Variants in CCDC102B observed in about 807,000 individuals in gnomAD.
CCDC102B encodes the protein coiled-coil domain containing 102B.
Under a neutral mutation model 57.4 loss-of-function variants are expected in CCDC102B, and 75 were observed. The ratio of observed to expected loss-of-function variants is 1.31; its 90% CI spans 1.08 to 1.58. CCDC102B has a LOEUF of 1.58. CCDC102B is among the 40% of genes most tolerant of loss of function. The pLI is 0.00. For synonymous variants in CCDC102B, 206 were observed against 201.9 expected, an observed-to-expected ratio of 1.02 and a Z score of -0.17; for missense variants, 636 against 582.6, an observed-to-expected ratio of 1.09 and a Z score of -0.94.
intron 1 of CCDC102B, among the ~76,000 whole-genome samples, chr18:68,802,451 TTATGTTTTTGA>T (rs1244412958): frequency 1.3e-5 from 2 of 152,200 alleles, no homozygotes; most frequent in Non-Finnish European, 2.9e-5. Context: ...TTGCTGGCTT[TTATGTTTTTGA>T]TATGTTTTTA....
At chr18:68,944,177 A>T (rs774295292) in intron 6 of CCDC102B, among the ~76,000 whole-genome samples, 2 of 152,084 alleles carry the variant, frequency 1.3e-5, no homozygotes, top group Non-Finnish European at 2.9e-5. Flanking sequence ...ATGTCTTGTA[A>T]ATCAAGAAGC....
chr18:68,838,495 AT>A (rs1253123418), intron 2 of CCDC102B: 160 of 984,318 alleles, frequency 1.6e-4, no homozygotes, highest in South Asian at 1.9e-4. Flanking sequence ...TGAGAAATGT[AT>A]TTTTTTTATG....
At chr18:69,033,490 C>T (rs570783474) in intron 7 of CCDC102B, among the ~76,000 whole-genome samples, 1 of 152,212 alleles carries the variant, frequency 6.6e-6, no homozygotes, top group Admixed American at 6.6e-5. Context: ...TCTAGTTTCC[C>T]TCTTTACAGA....
intron 5 of CCDC102B, among the ~76,000 whole-genome samples, chr18:68,879,291 C>T (rs1405840047): frequency 6.6e-6 from 1 of 152,118 alleles, no homozygotes; most frequent in Non-Finnish European, 1.5e-5. Flanking sequence ...CTCATAAAAG[C>T]AGTGTAGACC....
chr18:69,025,416 G>T (rs1053080035), intron 7 of CCDC102B, among the ~76,000 whole-genome samples: 3 of 152,182 alleles, frequency 2.0e-5, no homozygotes, highest in African/African-American at 7.2e-5. Flanking sequence ...CATGCCAAGA[G>T]AGAAAATAGC....
At chr18:68,776,435 C>A (rs2034818025) in intron 2 of CCDC102B, among the ~76,000 whole-genome samples, 1 of 152,020 alleles carries the variant, frequency 6.6e-6, no homozygotes, top group African/African-American at 2.4e-5. Context: ...GAATAGAAAA[C>A]AGAATAGAGA....
chr18:68,760,489 A>G (rs951990890), intron 2 of CCDC102B, among the ~76,000 whole-genome samples: 1 of 152,086 alleles, frequency 6.6e-6, no homozygotes, highest in African/African-American at 2.4e-5. Flanking sequence ...TATTAAATAA[A>G]CACTTTTGTT....
intron 5 of CCDC102B, among the ~76,000 whole-genome samples, chr18:68,881,081 G>A (rs942279493): frequency 4.6e-5 from 7 of 152,132 alleles, no homozygotes; most frequent in African/African-American, 1.4e-4. Context: ...ACTCAGACTG[G>A]TGATAAATCA....
At position 68,824,043 on chromosome 18, in the gene CCDC102B, CTTTA is replaced by C. The variant is rs140991494; in HGVS notation, c.-15-12705_-15-12702del. On this transcript the variant is annotated intron_variant, in intron 1 of 7. Transcript: ENST00000360242. ...TAGGTTCTTTTGCTGTGCAAAAGCT[CTTTA>C]ATTTAATTAGGTCCCACTTGTCATT... Among the ~76,000 whole-genome samples, 427 of 151,918 alleles carry C rather than the reference CTTTA, an allele frequency of 2.8e-3. 1 individual carries two copies. The highest frequency in any genetic ancestry group is 4.2e-3 in the Non-Finnish European group (284 of 68,006).
Position 68,963,014 on chromosome 18 carries a change from G to A in CCDC102B, c.1264-47920G>A, listed in dbSNP as rs533502490. On this transcript the variant is annotated intron_variant, in intron 6 of 7. Coordinates refer to ENST00000360242, the MANE Select transcript of CCDC102B (RefSeq NM_024781.3). Reference sequence around the variant, plus strand: ...GTGTCCATATATTTATTTATTACACGGCATCTTTTTATAGTGCATTTCAGT... The same window carrying A: ...GTGTCCATATATTTATTTATTACACAGCATCTTTTTATAGTGCATTTCAGT... Among the ~76,000 whole-genome samples, 23 of 151,744 alleles carry A rather than the reference G, an allele frequency of 1.5e-4. 1 individual carries two copies. The South Asian group carries it at 3.3e-3, about 22-fold the overall frequency.
At chr18:69,038,350 TG>T (rs1026478574) in intron 7 of CCDC102B, among the ~76,000 whole-genome samples, 505 of 45,482 alleles carry the variant, frequency 0.011, 1 homozygote, top group Non-Finnish European at 0.06. Context: ...TTGTGCAAAA[TG>T]TTTTGTGTGT....
chr18:68,913,679 C>CAA (rs1244435207), intron 6 of CCDC102B, among the ~76,000 whole-genome samples: 1 of 130,700 alleles, frequency 7.7e-6, no homozygotes, highest in Non-Finnish European at 1.7e-5. Flanking sequence ...AAAGCAAAAA[C>CAA]AAAGACAAAA....
chr18:68,855,315 G>T (rs1343145379), intron 4 of CCDC102B, among the ~76,000 whole-genome samples: 1 of 152,056 alleles, frequency 6.6e-6, no homozygotes. Context: ...GATGAATTAA[G>T]AGATGAAAGC....
intron 2 of CCDC102B, among the ~76,000 whole-genome samples, chr18:68,723,349 C>G (rs775220604): frequency 1.3e-5 from 2 of 152,130 alleles, no homozygotes; most frequent in Admixed American, 6.5e-5. Flanking sequence ...TCTCACCTTT[C>G]AAAACACAAT....
intron 4 of CCDC102B, chr18:68,866,618 C>T (rs544374778): frequency 2.6e-4 from 82 of 312,602 alleles, no homozygotes; most frequent in African/African-American, 1.7e-3. Context: ...GAACCTTAGT[C>T]AAAAAAGAGA....
At chr18:68,838,443 C>A (rs535282093) in intron 2 of CCDC102B, 1 of 984,628 alleles carries the variant, frequency 1.0e-6, no homozygotes, top group African/African-American at 1.8e-5. Context: ...TTTTTAGCTG[C>A]GATTAGAAAA....
chr18:68,884,621 T>C (rs1272731306), intron 5 of CCDC102B, among the ~76,000 whole-genome samples: 1 of 150,638 alleles, frequency 6.6e-6, no homozygotes, highest in East Asian at 1.9e-4. Flanking sequence ...CACACACACA[T>C]CTCCATCATA....
intron 6 of CCDC102B, among the ~76,000 whole-genome samples, chr18:68,975,860 A>C (rs1193387772): frequency 6.6e-6 from 1 of 151,830 alleles, no homozygotes; most frequent in Non-Finnish European, 1.5e-5. Flanking sequence ...TAAAAAAAAA[A>C]AAAAGCGTCT....
intron 2 of CCDC102B, among the ~76,000 whole-genome samples, chr18:68,837,817 T>C (rs2037450404): frequency 6.6e-6 from 1 of 152,180 alleles, no homozygotes; most frequent in Non-Finnish European, 1.5e-5. Context: ...AAGATATGTA[T>C]ATGTATCCTT....
Sources: allele counts gnomAD v4.1 joint callset (sites outside exome capture counted in the v4.1 genomes callset), GRCh38; gene constraint gnomAD v4.1.1; transcripts MANE v1.5; gene names NCBI Gene and HGNC (gene_info 2026-07-23, HGNC 2026-07-21).